The following EXOC4 variants were observed in gnomAD, a reference collection of about 807,000 sequenced individuals.
The protein encoded by EXOC4 is SEC8-like 1.
Under a neutral mutation model 107.2 loss-of-function variants are expected in EXOC4, and 71 were observed. That is an observed-to-expected ratio of 0.66 (90% CI 0.55 to 0.81). EXOC4 has a LOEUF of 0.81. Ranked by LOEUF, EXOC4 falls within the 30% of genes least tolerant of loss-of-function variation. EXOC4 has a pLI of 0.00. For missense variants in EXOC4, 1,108 were observed against 1,189.6 expected, an observed-to-expected ratio of 0.93 and a Z score of 1.01; for synonymous variants, 456 against 441.2, an observed-to-expected ratio of 1.03 and a Z score of -0.42.
intron 11 of EXOC4, among the ~76,000 whole-genome samples, chr7:133,830,339 C>T (rs750193319): frequency 2.6e-5 from 4 of 152,220 alleles, no homozygotes; most frequent in Non-Finnish European, 4.4e-5. Context: ...GAGTGAGCAG[C>T]CTGCCCGAGC....
At chr7:133,758,296 G>T (rs983867066) in intron 10 of EXOC4, among the ~76,000 whole-genome samples, 2 of 152,032 alleles carry the variant, frequency 1.3e-5, no homozygotes, top group Non-Finnish European at 2.9e-5. Flanking sequence ...GTGCCACCAT[G>T]CCCGGCTAAT....
chr7:133,797,284 A>G (rs1442543168), intron 10 of EXOC4, among the ~76,000 whole-genome samples: 2 of 152,168 alleles, frequency 1.3e-5, no homozygotes, highest in Non-Finnish European at 2.9e-5. Flanking sequence ...AGCATATGTT[A>G]CTTTTTACAG....
At chr7:133,572,026 G>A (rs1801033929) in intron 9 of EXOC4, among the ~76,000 whole-genome samples, 2 of 152,188 alleles carry the variant, frequency 1.3e-5, no homozygotes, top group African/African-American at 4.8e-5. Context: ...ATTAGTATTT[G>A]CTGGGAAGGT....
chr7:133,831,056 C>A (rs1797800148), intron 11 of EXOC4, among the ~76,000 whole-genome samples: 1 of 152,170 alleles, frequency 6.6e-6, no homozygotes, highest in African/African-American at 2.4e-5. Context: ...CCTCCGCCTC[C>A]CGGGTTCAAG....
chr7:133,432,658 A>T (rs1364441675), intron 7 of EXOC4, among the ~76,000 whole-genome samples: 1 of 152,190 alleles, frequency 6.6e-6, no homozygotes, highest in Non-Finnish European at 1.5e-5. Context: ...TGTTCACTGT[A>T]AAGCTTCGTT....
chr7:133,767,199 T>A (rs1487182341), intron 10 of EXOC4, among the ~76,000 whole-genome samples: 1 of 151,946 alleles, frequency 6.6e-6, no homozygotes, highest in Non-Finnish European at 1.5e-5. Context: ...TCACTCTCCC[T>A]AATTTACATC....
chr7:133,697,098 G>C (rs1794551650), intron 10 of EXOC4, among the ~76,000 whole-genome samples: 2 of 152,110 alleles, frequency 1.3e-5, no homozygotes, highest in Non-Finnish European at 2.9e-5. Context: ...ATAGGGTAAG[G>C]CTTGGGACCT....
At chr7:133,269,977 T>A (rs1001034822) in intron 1 of EXOC4, among the ~76,000 whole-genome samples, 1 of 152,148 alleles carries the variant, frequency 6.6e-6, no homozygotes. Flanking sequence ...CCCATCCACA[T>A]CTCATCTTGA....
intron 14 of EXOC4, among the ~76,000 whole-genome samples, chr7:133,953,323 C>T (rs771183695): frequency 2.6e-5 from 4 of 151,978 alleles, no homozygotes; most frequent in East Asian, 1.9e-4. Context: ...GGTGGCCAGG[C>T]GCAGTGGCTC....
At chr7:133,724,043 T>G (rs1217000965) in intron 10 of EXOC4, among the ~76,000 whole-genome samples, 1 of 152,224 alleles carries the variant, frequency 6.6e-6, no homozygotes, top group Non-Finnish European at 1.5e-5. Flanking sequence ...CATTTGCTAG[T>G]CAGGCCAGTT....
intron 10 of EXOC4, among the ~76,000 whole-genome samples, chr7:133,699,659 C>G (rs1794613994): frequency 6.6e-6 from 1 of 152,088 alleles, no homozygotes; most frequent in South Asian, 2.1e-4. Flanking sequence ...GCATGAGGGC[C>G]TGTCTTTCAT....
At chr7:133,287,657 C>T (rs1487798696) in intron 2 of EXOC4, among the ~76,000 whole-genome samples, 1 of 151,982 alleles carries the variant, frequency 6.6e-6, no homozygotes, top group Admixed American at 6.6e-5. Context: ...TTATTAAAGA[C>T]TTTTTTTTAA....
intron 14 of EXOC4, among the ~76,000 whole-genome samples, chr7:133,971,604 A>G (rs934709992): frequency 2.7e-4 from 41 of 152,054 alleles, no homozygotes; most frequent in Admixed American, 2.7e-3. Context: ...AATGGAAAAC[A>G]AACCTTTTTT....
intron 12 of EXOC4, among the ~76,000 whole-genome samples, chr7:133,916,140 A>G (rs556633167): frequency 1.3e-5 from 2 of 152,360 alleles, no homozygotes; most frequent in Admixed American, 6.5e-5. Context: ...CTCAGATCAT[A>G]AGACATTAGT....
At chr7:133,725,701 A>G (rs963414552) in intron 10 of EXOC4, among the ~76,000 whole-genome samples, 8 of 152,176 alleles carry the variant, frequency 5.3e-5, no homozygotes, top group African/African-American at 1.9e-4. Context: ...TAGGGACTCT[A>G]TGACAACTAC....
chr7:133,713,257 T>C (rs1455225916), intron 10 of EXOC4, among the ~76,000 whole-genome samples: 1 of 152,236 alleles, frequency 6.6e-6, no homozygotes, highest in East Asian at 1.9e-4. Flanking sequence ...TCTACAGAGT[T>C]GCCTAAGTAA....
intron 9 of EXOC4, among the ~76,000 whole-genome samples, chr7:133,585,383 A>G (rs1286786132): frequency 6.6e-6 from 1 of 152,174 alleles, no homozygotes; most frequent in East Asian, 1.9e-4. Flanking sequence ...GTGCACTCTC[A>G]TTCATGTATT....
chr7:133,978,538 T>A (rs2001281), intron 14 of EXOC4, among the ~76,000 whole-genome samples: 31,429 of 151,990 alleles, frequency 0.21, 4,331 homozygotes, highest in East Asian at 0.44. Context: ...ACAGAAACCA[T>A]TTTAGGTATT....
chr7:133,668,877 A>G (rs1193987154), intron 10 of EXOC4, among the ~76,000 whole-genome samples: 4 of 152,122 alleles, frequency 2.6e-5, no homozygotes, highest in Non-Finnish European at 5.9e-5. Flanking sequence ...TATAAGAGGC[A>G]GGATGTGGCC....
Sources: allele counts gnomAD v4.1 joint callset (sites outside exome capture counted in the v4.1 genomes callset), GRCh38; gene constraint gnomAD v4.1.1; transcripts MANE v1.5; gene names NCBI Gene and HGNC (gene_info 2026-07-23, HGNC 2026-07-21).